NOX4: variants seen among roughly 807,000 people sequenced by gnomAD.
NOX4 encodes the protein kidney oxidase-1.
NOX4 carries 69 observed loss-of-function variants against 87.6 expected under a neutral mutation model. The ratio of observed to expected loss-of-function variants is 0.79; its 90% confidence interval spans 0.65 to 0.96. The LOEUF is 0.96. Among genes scored for constraint, NOX4 ranks in the 40% least tolerant of loss-of-function variants. The pLI is 0.00. For missense variants in NOX4, 680 were observed against 681.5 expected, an observed-to-expected ratio of 1.00 and a Z score of 0.02; for synonymous variants, 275 against 238.2, an observed-to-expected ratio of 1.15 and a Z score of -1.42.
chr11:89,473,673 T>C (rs1031527765), intron 2 of NOX4, among the ~76,000 whole-genome samples: 1 of 152,164 alleles, frequency 6.6e-6, no homozygotes, highest in African/African-American at 2.4e-5. Context: ...CTATTTCTTA[T>C]TAACTTTTAC....
At chr11:89,526,361 A>G in the NOX4 span, among the ~76,000 whole-genome samples, 1 of 152,226 alleles carries the variant, frequency 6.6e-6, no homozygotes, top group Non-Finnish European at 1.5e-5. Context: ...AAACATCACC[A>G]CAAGCATTGC....
chr11:89,532,437 T>TA, the NOX4 span, among the ~76,000 whole-genome samples: 1 of 152,212 alleles, frequency 6.6e-6, no homozygotes, highest in African/African-American at 2.4e-5. Context: ...GGAATTTCTG[T>TA]AGTCCCTTTG....
the NOX4 span, among the ~76,000 whole-genome samples, chr11:89,561,512 A>G: frequency 6.6e-6 from 1 of 152,206 alleles, no homozygotes; most frequent in African/African-American, 2.4e-5. Context: ...GTTTGTAAAA[A>G]TAGTACTAAA....
At chr11:89,356,665 C>T (rs3913536) in intron 12 of NOX4, among the ~76,000 whole-genome samples, 1 of 152,208 alleles carries the variant, frequency 6.6e-6, no homozygotes, top group South Asian at 2.1e-4. Context: ...GTGCTTCCAC[C>T]TTCACAGAGT....
the NOX4 span, among the ~76,000 whole-genome samples, chr11:89,569,025 AC>A: frequency 6.6e-6 from 1 of 152,190 alleles, no homozygotes; most frequent in Non-Finnish European, 1.5e-5. Flanking sequence ...TGGGTTAAAG[AC>A]TTAATGAGTT....
At chr11:89,541,913 C>T in the NOX4 span, among the ~76,000 whole-genome samples, 1 of 152,140 alleles carries the variant, frequency 6.6e-6, no homozygotes, top group Non-Finnish European at 1.5e-5. Flanking sequence ...TCAAGCAATC[C>T]TCCCACCTCA....
intron 17 of NOX4, among the ~76,000 whole-genome samples, chr11:89,333,052 T>C (rs1299609951): frequency 6.6e-6 from 1 of 151,838 alleles, no homozygotes; most frequent in Non-Finnish European, 1.5e-5. Flanking sequence ...AAGATCTTAA[T>C]CTACTGCAAT....
the NOX4 span, among the ~76,000 whole-genome samples, chr11:89,536,677 G>A: frequency 6.6e-6 from 1 of 151,840 alleles, no homozygotes; most frequent in Non-Finnish European, 1.5e-5. Flanking sequence ...TTCTTCTTTT[G>A]CTGTGGCTAC....
chr11:89,522,354 G>C, the NOX4 span, among the ~76,000 whole-genome samples: 1 of 152,140 alleles, frequency 6.6e-6, no homozygotes, highest in East Asian at 1.9e-4. Flanking sequence ...TATGTCCCTT[G>C]TAGCAACAAG....
chr11:89,588,251 T>A, the NOX4 span, among the ~76,000 whole-genome samples: 1 of 152,176 alleles, frequency 6.6e-6, no homozygotes, highest in Non-Finnish European at 1.5e-5. Context: ...TAATGCCAAT[T>A]TTGTAGTAAA....
chr11:89,468,644 A>T (rs571997363), intron 2 of NOX4, among the ~76,000 whole-genome samples: 1 of 152,254 alleles, frequency 6.6e-6, no homozygotes, highest in Admixed American at 6.5e-5. Flanking sequence ...GAGAGAAGGT[A>T]CATAAATGCA....
the NOX4 span, among the ~76,000 whole-genome samples, chr11:89,536,138 C>CTTTTTT: frequency 1.8e-4 from 16 of 88,968 alleles, no homozygotes; most frequent in South Asian, 4.2e-4. Context: ...TGGTCCTTTT[C>CTTTTTT]TTTTTTTTTT....
chr11:89,397,567 G>A (rs577541738), intron 11 of NOX4, among the ~76,000 whole-genome samples: 2 of 152,070 alleles, frequency 1.3e-5, no homozygotes, highest in African/African-American at 4.8e-5. Flanking sequence ...TTGATAGACT[G>A]CTAGCAAGAA....
chr11:89,390,974 AG>A lies in NOX4; in HGVS notation c.1074+9042del, dbSNP rs1941078663. Among the ~76,000 whole-genome samples the A allele has an allele frequency of 3.9e-5, 6 of 152,238 alleles. No individual in the cohort carries two copies. The South Asian group carries it at 1.2e-3, about 32-fold the overall frequency. On this transcript the variant is annotated intron_variant, in intron 11 of 17. Transcript: ENST00000263317. ...ATCCCTCCAACATTTCCTTTTCTGT[AG>A]TTGCACCCTCTAAGGAAGACTGTGC...
chr11:89,367,306 T>G (rs1939082173), intron 12 of NOX4, among the ~76,000 whole-genome samples: 1 of 152,162 alleles, frequency 6.6e-6, no homozygotes, highest in Non-Finnish European at 1.5e-5. Context: ...GCCAGATCAG[T>G]ATAAAAATCA....
chr11:89,393,449 T>A (rs1262307229), intron 11 of NOX4, among the ~76,000 whole-genome samples: 3 of 151,524 alleles, frequency 2.0e-5, no homozygotes, highest in African/African-American at 7.3e-5. Context: ...AAAAAAAAAA[T>A]CAAATCTTTC....
At chr11:89,543,007 T>C in the NOX4 span, among the ~76,000 whole-genome samples, 3 of 152,230 alleles carry the variant, frequency 2.0e-5, no homozygotes, top group East Asian at 5.8e-4. Flanking sequence ...ATGTAGAAAA[T>C]TAAAGCTCTT....
the NOX4 span, among the ~76,000 whole-genome samples, chr11:89,515,215 T>G: frequency 2.0e-5 from 3 of 152,150 alleles, no homozygotes; most frequent in African/African-American, 7.2e-5. Context: ...GTTGTACCCT[T>G]TAAAATCTTC....
At chr11:89,455,731 T>C (rs1385397623) in intron 2 of NOX4, among the ~76,000 whole-genome samples, 2 of 149,876 alleles carry the variant, frequency 1.3e-5, no homozygotes, top group African/African-American at 2.4e-5. Flanking sequence ...TATATATATA[T>C]ATATATATAT....
Sources: gnomAD v4.1 joint callset for allele counts (sites outside exome capture counted in the v4.1 genomes callset) on GRCh38, gnomAD v4.1.1 for gene constraint, MANE v1.5 for transcripts, NCBI Gene and HGNC (gene_info 2026-07-23, HGNC 2026-07-21) for gene names.